COL17A1: variants seen among roughly 807,000 people sequenced by gnomAD.
The protein encoded by COL17A1 is collagen alpha-1(XVII) chain.
Under a neutral mutation model 218.4 loss-of-function variants are expected in COL17A1, and 181 were observed. The ratio of observed to expected loss-of-function variants is 0.83; its 90% CI spans 0.73 to 0.94. The LOEUF (loss-of-function observed/expected upper bound fraction) is 0.94. Ranked by LOEUF, COL17A1 falls within the 40% of genes least tolerant of loss-of-function variation. The pLI, the probability that COL17A1 is intolerant of heterozygous loss-of-function variation, is 0.00. For synonymous variants in COL17A1, 721 were observed against 731.0 expected (o/e 0.99, Z 0.22); for missense variants, 1,924 against 1,945.9 (o/e 0.99, Z 0.21).
intron 7 of COL17A1, 29 bp from the exon 8 acceptor site, chr10:104,072,108 G>A (rs2134648612): frequency 6.2e-7 from 1 of 1,614,018 alleles, no homozygotes. Context: ...AGAGAAGGGT[G>A]TGAATGAAGG....
Position 104,058,201 on chromosome 10 carries a change from A to G in COL17A1, c.1223-11T>C. 6.2e-7 allele frequency: 1 copy of G among 1,614,214 alleles called. No individual in the cohort carries two copies. Among genetic ancestry groups the G allele is most frequent in the Non-Finnish European group, 8.5e-7 (1 of 1,180,020 alleles). On this transcript the variant is annotated splice_polypyrimidine_tract_variant and intron_variant, in intron 15 of 55. Coordinates refer to ENST00000648076, the MANE Select transcript of COL17A1 (RefSeq NM_000494.4). ...CAGTCTTCAGGTCTCCTGAAAGGAC[A>G]AACAGATTGACCTGAGCTTTTAAAC...
chr10:104,054,944 C>T lies in COL17A1; in HGVS notation c.1744+37G>A, dbSNP rs761697200. ...GATTGTTTGAAACAATTAACACTTG[C>T]TAATATTTAAGGTAAAAATGCCCAT... On this transcript the variant is annotated intron_variant, in intron 20 of 55. Coordinates refer to ENST00000648076, the MANE Select transcript of COL17A1 (RefSeq NM_000494.4). The T allele has an allele frequency of 1.5e-5, 25 of 1,613,952 alleles. No individual in the cohort carries two copies. The East Asian group carries it at 5.1e-4, about 33-fold the overall frequency.
chr10:104,059,377 A>AAAT, intron 15 of COL17A1: 1 of 536,610 alleles, frequency 1.9e-6, no homozygotes, highest in Non-Finnish European at 3.4e-6. Flanking sequence ...ATGAGAAAAC[A>AAAT]AATGCCTTCG....
Position 104,040,348 on chromosome 10 carries a change from C to T in COL17A1, c.2761+3G>A. 1 of 1,602,048 alleles carries T rather than the reference C, an allele frequency of 6.2e-7. No individual in the cohort carries two copies. The highest frequency in any genetic ancestry group is 8.6e-7 in the Non-Finnish European group (1 of 1,168,998). On this transcript the variant is annotated splice_donor_region_variant and intron_variant, in intron 40 of 55. Coordinates refer to ENST00000648076, the MANE Select transcript of COL17A1 (RefSeq NM_000494.4). ...TCTGGGTTCCCTGATACACTGTTCT[C>T]ACCTTGGTCTCCCTTGGGACCTGGG... is the stretch of plus-strand genomic sequence containing the variant.
chr10:104,047,765 C>G lies in COL17A1; in HGVS notation c.2309G>C (p.Gly770Ala), dbSNP rs750508023. ...TGGCTTTCCTGGGTCTCCAGAAGGT[C>G]CTGGTGGGCCACGGATTCCAGGCAT... Reference protein sequence around the residue: ...TGMPGIRGPPGPSGDPGKPGL... With the variant: ...TGMPGIRGPPAPSGDPGKPGL... The change falls in exon 31 of 56, where the codon GGA becomes GCA. Residue 770 changes from glycine (G) to alanine (A), a missense_variant. Physicochemically the swap from Gly to Ala is moderately conservative, Grantham distance 60. Coordinates refer to ENST00000648076, the MANE Select transcript of COL17A1 (RefSeq NM_000494.4). 2 of 1,614,190 alleles carry G rather than the reference C, an allele frequency of 1.2e-6. No homozygotes were observed. The highest frequency in any genetic ancestry group is 8.5e-7 in the Non-Finnish European group (1 of 1,180,022).
chr10:104,043,746 C>G (rs1484414712), intron 34 of COL17A1, 79 bp downstream of exon 34: 1 of 1,578,866 alleles, frequency 6.3e-7, no homozygotes, highest in Non-Finnish European at 8.7e-7. Flanking sequence ...CCACATCCTG[C>G]CCAGAACGCT....
chr10:104,055,760 C>A, intron 18 of COL17A1, 22 bp downstream of exon 18: 1 of 1,613,352 alleles, frequency 6.2e-7, no homozygotes, highest in South Asian at 1.1e-5. Flanking sequence ...GGAGCTGGCC[C>A]TGTGCCCGGC....
intron 43 of COL17A1, 37 bp from the exon 44 acceptor site, chr10:104,039,158 C>T: frequency 6.2e-7 from 1 of 1,609,478 alleles, no homozygotes; most frequent in Non-Finnish European, 8.5e-7. Context: ...TCACCTCCTC[C>T]AGGAAGCCTT....
At chr10:104,077,699 TTTTTGTTTTGTTTTGTTTTG>T (rs57572186) in intron 3 of COL17A1, among the ~76,000 whole-genome samples, 173 bp from the exon 4 acceptor site, 1,697 of 151,564 alleles carry the variant, frequency 0.011, 39 homozygotes, top group African/African-American at 0.038. Context: ...TTTCGTTGGT[TTTTTGTTTTGTTTTGTTTTG>T]TTTTGTTTTG....
chr10:104,077,947 G>A (rs1489285648), intron 3 of COL17A1, among the ~76,000 whole-genome samples: 1 of 152,242 alleles, frequency 6.6e-6, no homozygotes, highest in African/African-American at 2.4e-5. Flanking sequence ...GGAGGGGCGT[G>A]TGGCAGCTCT....
intron 24 of COL17A1, 75 bp downstream of exon 24, chr10:104,052,080 C>G: frequency 6.2e-7 from 1 of 1,603,632 alleles, no homozygotes; most frequent in Non-Finnish European, 8.5e-7. Context: ...GTCCCAGGGC[C>G]TCTTCTCTGT....
rs776343534 is a variant in COL17A1 at position 104,055,765 on chromosome 10, C to T, written c.1687+17G>A. ...GGGACTCAGGGGAGCTGGCCCTGTG[C>T]CCGGCGATGCTCTCACCATTTTCCT... On this transcript the variant is annotated intron_variant, in intron 18 of 55. Transcript: ENST00000648076. The T allele has an allele frequency of 1.2e-6, 2 of 1,613,462 alleles. No homozygotes were observed. The highest frequency in any genetic ancestry group is 1.7e-6 in the Non-Finnish European group (2 of 1,179,996).
In COL17A1 at chr10:104,034,128, C is replaced by T. The variant is rs767927119; in HGVS notation, c.3973G>A (p.Gly1325Ser). 6.4e-5 allele frequency: 104 copies of T among 1,613,898 alleles called. No individual in the cohort carries two copies. The highest frequency in any genetic ancestry group is 2.3e-4 in the African/African-American group (17 of 74,924). The change falls in exon 52 of 56, where the codon GGT becomes AGT. Residue 1325 changes from glycine (G) to serine (S), a missense_variant. By Grantham distance (56) the Gly-to-Ser change is moderately conservative (BLOSUM62 0). Transcript: ENST00000648076. ...GGGAGSLGAG[G>S]AFGEAAGDRG... The stretch of plus-strand genomic sequence containing the variant: ...TCTCCTGCAGCTTCACCAAAGGCAC[C>T]GCCTGCACCCAGGGAGCCTGCACCA...
intron 44 of COL17A1, among the ~76,000 whole-genome samples, 180 bp from the exon 45 acceptor site, chr10:104,038,708 G>A (rs969533791): frequency 6.6e-6 from 1 of 152,078 alleles, no homozygotes; most frequent in East Asian, 1.9e-4. Flanking sequence ...GCCACTGTCT[G>A]AAAGTGGCAC....
At chr10:104,067,477 C>T (rs2086636384) in intron 9 of COL17A1, among the ~76,000 whole-genome samples, 1 of 151,970 alleles carries the variant, frequency 6.6e-6, no homozygotes, top group Admixed American at 6.5e-5. Context: ...GAATAAAAAG[C>T]CAATTAAGGA....
chr10:104,074,038 G>C, intron 6 of COL17A1, 146 bp downstream of exon 6: 1 of 1,281,362 alleles, frequency 7.8e-7, no homozygotes, highest in Admixed American at 1.7e-5. Flanking sequence ...TAAAAAGCAA[G>C]GGAAAAATAG....
At chr10:104,040,065 A>G (rs564865226) in intron 40 of COL17A1, 66 bp from the exon 41 acceptor site, 12 of 1,572,072 alleles carry the variant, frequency 7.6e-6, no homozygotes, top group South Asian at 6.7e-5. Context: ...CAATGGGCCC[A>G]TGGAGGAGGG....
At chr10:104,040,140 G>C in intron 40 of COL17A1, 141 bp from the exon 41 acceptor site, 1 of 1,041,404 alleles carries the variant, frequency 9.6e-7, no homozygotes, top group Non-Finnish European at 1.5e-6. Flanking sequence ...CCTCTCACTA[G>C]GCCAATGTTG....
intron 15 of COL17A1, 123 bp downstream of exon 15, chr10:104,059,515 C>T (rs947543208): frequency 1.2e-6 from 1 of 852,292 alleles, no homozygotes; most frequent in African/African-American, 1.7e-5. Context: ...ATAACACACT[C>T]CCAGGTGTGG....
Sources: gnomAD v4.1 joint callset for allele counts (sites outside exome capture counted in the v4.1 genomes callset) on GRCh38, gnomAD v4.1.1 for gene constraint, MANE v1.5 for transcripts, NCBI Gene and HGNC (gene_info 2026-07-23, HGNC 2026-07-21) for gene names.